Variants in CNTNAP2 observed in about 807,000 individuals in gnomAD.
The protein encoded by CNTNAP2 is contactin associated protein 2, also known as contactin-associated protein-like 2.
CNTNAP2 carries 98 observed loss-of-function variants against 155.2 expected under a neutral mutation model. That is an observed-to-expected ratio of 0.63 (90% CI 0.54 to 0.75). CNTNAP2 has a LOEUF of 0.75. Ranked by LOEUF, CNTNAP2 falls within the 30% of genes least tolerant of loss-of-function variation. The pLI is 0.00. For missense variants in CNTNAP2, 1,727 were observed against 1,688.1 expected, an observed-to-expected ratio of 1.02 and a Z score of -0.40; for synonymous variants, 651 against 631.2, an observed-to-expected ratio of 1.03 and a Z score of -0.47.
intron 1 of CNTNAP2, among the ~76,000 whole-genome samples, chr7:146,592,775 G>A (rs1229186909): frequency 6.6e-6 from 1 of 152,152 alleles, no homozygotes; most frequent in African/African-American, 2.4e-5. Context: ...AGGTTCAAGA[G>A]TGAGGAGAAG....
intron 3 of CNTNAP2, among the ~76,000 whole-genome samples, chr7:146,858,548 GC>G (rs1021945112): frequency 1.5e-4 from 23 of 152,116 alleles, no homozygotes; most frequent in Non-Finnish European, 2.4e-4. Flanking sequence ...GCAAAAATTA[GC>G]CAGACATGGT....
At chr7:147,225,594 A>G (rs1207406481) in intron 8 of CNTNAP2, among the ~76,000 whole-genome samples, 1 of 152,280 alleles carries the variant, frequency 6.6e-6, no homozygotes, top group East Asian at 1.9e-4. Context: ...TAAAGAACAT[A>G]TTAAATTGGC....
chr7:148,268,971 G>A (rs2116843312), intron 21 of CNTNAP2, among the ~76,000 whole-genome samples: 1 of 152,178 alleles, frequency 6.6e-6, no homozygotes. Context: ...GAAAGATTGG[G>A]CAGGTGATAA....
chr7:147,408,059 C>A lies in CNTNAP2; in HGVS notation c.1670+12279C>A, dbSNP rs1797039366. On this transcript the variant is annotated intron_variant, in intron 10 of 23. Coordinates refer to ENST00000361727, the MANE Select transcript of CNTNAP2 (RefSeq NM_014141.6). ...TTTATCCATTCATTCTACAATGTTTCATTGATTGCATACCATGTGTCCAAG... is the reference window on the plus strand; with the variant it reads ...TTTATCCATTCATTCTACAATGTTTAATTGATTGCATACCATGTGTCCAAG... Among the ~76,000 whole-genome samples, 3 of 152,216 alleles carry A rather than the reference C, an allele frequency of 2.0e-5. No individual in the cohort carries two copies. The South Asian group carries it at 6.2e-4, about 32-fold the overall frequency.
intron 13 of CNTNAP2, among the ~76,000 whole-genome samples, chr7:147,773,297 A>G (rs1178124349): frequency 6.6e-6 from 1 of 152,182 alleles, no homozygotes; most frequent in Non-Finnish European, 1.5e-5. Flanking sequence ...AGGAACACTT[A>G]GAAAAGGATA....
At chr7:148,320,971 A>C (rs1207138374) in intron 21 of CNTNAP2, among the ~76,000 whole-genome samples, 2 of 152,222 alleles carry the variant, frequency 1.3e-5, no homozygotes, top group Non-Finnish European at 2.9e-5. Flanking sequence ...GTAAATTGGC[A>C]GTTCATGTGA....
chr7:147,653,709 A>G (rs547426966), intron 13 of CNTNAP2, among the ~76,000 whole-genome samples: 2 of 152,292 alleles, frequency 1.3e-5, no homozygotes, highest in South Asian at 4.1e-4. Context: ...GGACAGCAAC[A>G]GCAACTAGAA....
chr7:146,348,335 G>C lies in CNTNAP2; in HGVS notation c.97+231362G>C, dbSNP rs899234001. 2.6e-5 allele frequency among the ~76,000 whole-genome samples: 4 copies of C among 152,286 alleles called. 1 individual carries two copies. The highest frequency in any genetic ancestry group is 6.8e-3 in the Middle Eastern group (2 of 294). On this transcript the variant is annotated intron_variant, in intron 1 of 23. Coordinates refer to ENST00000361727, the MANE Select transcript of CNTNAP2 (RefSeq NM_014141.6). Reference sequence around the variant, plus strand: ...AGCTATTTGGGAGACTGAGGCAGGAGAATCGCTTGAACCTGGGAAGTGAAG... The same window carrying C: ...AGCTATTTGGGAGACTGAGGCAGGACAATCGCTTGAACCTGGGAAGTGAAG...
intron 1 of CNTNAP2, among the ~76,000 whole-genome samples, chr7:146,456,847 A>G (rs1198846883): frequency 6.6e-6 from 1 of 152,202 alleles, no homozygotes; most frequent in Non-Finnish European, 1.5e-5. Context: ...CCCATTTGCA[A>G]TTTTGCTTTA....
chr7:148,067,821 G>A (rs1803296845), intron 15 of CNTNAP2, among the ~76,000 whole-genome samples: 1 of 152,212 alleles, frequency 6.6e-6, no homozygotes, highest in Non-Finnish European at 1.5e-5. Flanking sequence ...GGCAGGGCTT[G>A]CTGCAGCCAC....
At chr7:146,341,983 T>C (rs1794736465) in intron 1 of CNTNAP2, among the ~76,000 whole-genome samples, 1 of 152,200 alleles carries the variant, frequency 6.6e-6, no homozygotes, top group Admixed American at 6.5e-5. Flanking sequence ...TCTTAATGTT[T>C]GTAGCACATT....
rs1339905450 is a variant in CNTNAP2 at position 148,419,223 on chromosome 7, T to C, written c.*3607T>C. On this transcript the variant is annotated 3_prime_UTR_variant, in exon 24 of 24. Coordinates refer to ENST00000361727, the MANE Select transcript of CNTNAP2 (RefSeq NM_014141.6). The stretch of plus-strand genomic sequence containing the variant: ...GAATTTGAAACCCCCCATTTTTTCT[T>C]TTCACCACCCTGTTGAGCAATTTTC... The C allele has an allele frequency of 6.6e-6, 1 of 152,130 alleles. No homozygotes were observed. Among genetic ancestry groups the C allele is most frequent in the African/African-American group, 2.4e-5 (1 of 41,416 alleles). 9.4% of individuals were successfully genotyped at this position (152,130 alleles called of 1,614,324 possible).
intron 2 of CNTNAP2, among the ~76,000 whole-genome samples, chr7:146,789,514 T>C (rs948410814): frequency 1.3e-5 from 2 of 152,162 alleles, no homozygotes; most frequent in East Asian, 3.9e-4. Flanking sequence ...TAAAAGCATA[T>C]CTTTTTTTCA....
chr7:148,286,666 AATG>A (rs556281516), intron 21 of CNTNAP2, among the ~76,000 whole-genome samples: 116 of 152,330 alleles, frequency 7.6e-4, no homozygotes, highest in African/African-American at 2.7e-3. Context: ...ATATCAAATT[AATG>A]ATAATACAAA....
intron 8 of CNTNAP2, among the ~76,000 whole-genome samples, chr7:147,278,127 C>CAA (rs58102021): frequency 1.3e-4 from 18 of 138,556 alleles, no homozygotes; most frequent in East Asian, 4.2e-4. Flanking sequence ...GGAAACCATG[C>CAA]AAAAAAAAAA....
At chr7:147,254,065 G>A (rs1434536883) in intron 8 of CNTNAP2, among the ~76,000 whole-genome samples, 1 of 152,166 alleles carries the variant, frequency 6.6e-6, no homozygotes, top group Non-Finnish European at 1.5e-5. Flanking sequence ...CTGGGATTCA[G>A]TGATTTTTAT....
intron 8 of CNTNAP2, among the ~76,000 whole-genome samples, chr7:147,285,990 T>C (rs1805166081): frequency 6.6e-6 from 1 of 152,064 alleles, no homozygotes; most frequent in Non-Finnish European, 1.5e-5. Flanking sequence ...AGAAGCGTTT[T>C]CTAGAAATTA....
At chr7:146,969,141 T>A (rs1405223635) in intron 3 of CNTNAP2, among the ~76,000 whole-genome samples, 1 of 151,868 alleles carries the variant, frequency 6.6e-6, no homozygotes, top group Non-Finnish European at 1.5e-5. Context: ...TTCTTAATCC[T>A]GAGTTCTAGT....
At chr7:146,553,395 A>G (rs1463295154) in intron 1 of CNTNAP2, among the ~76,000 whole-genome samples, 1 of 151,988 alleles carries the variant, frequency 6.6e-6, no homozygotes, top group African/African-American at 2.4e-5. Context: ...ATTAGTTTCT[A>G]TCGGTACCTT....
Sources: allele counts gnomAD v4.1 joint callset (sites outside exome capture counted in the v4.1 genomes callset), GRCh38; gene constraint gnomAD v4.1.1; transcripts MANE v1.5; gene names NCBI Gene and HGNC (gene_info 2026-07-23, HGNC 2026-07-21).